Variants in C12orf42 observed in about 807,000 individuals in gnomAD.
The protein encoded by C12orf42 is uncharacterized protein C12orf42.
In C12orf42, 25 loss-of-function variants were observed where a neutral mutation model predicts 21.6. The ratio of observed to expected loss-of-function variants is 1.16; its 90% CI spans 0.84 to 1.62. The LOEUF (loss-of-function observed/expected upper bound fraction) is 1.62. C12orf42 is among the 40% of genes most tolerant of loss of function. The pLI is 0.00. For synonymous variants in C12orf42, 174 were observed against 175.0 expected, an observed-to-expected ratio of 0.99 and a Z score of 0.05; for missense variants, 483 against 459.3, an observed-to-expected ratio of 1.05 and a Z score of -0.47.
At chr12:103,255,085 T>C (rs1417521132) in intron 10 of C12orf42, among the ~76,000 whole-genome samples, 1 of 152,124 alleles carries the variant, frequency 6.6e-6, no homozygotes, top group Non-Finnish European at 1.5e-5. Context: ...TCATACAGAA[T>C]ATGTGGGCCG....
At chr12:103,371,021 G>A (rs1262427937) in intron 3 of C12orf42, among the ~76,000 whole-genome samples, 1 of 152,120 alleles carries the variant, frequency 6.6e-6, no homozygotes, top group Non-Finnish European at 1.5e-5. Context: ...TTTGGATATT[G>A]TATAGATTTG....
At chr12:103,061,679 G>A in the C12orf42 span, among the ~76,000 whole-genome samples, 1 of 151,428 alleles carries the variant, frequency 6.6e-6, no homozygotes, top group Non-Finnish European at 1.5e-5. Context: ...TTTGATATTG[G>A]TATAGCTATA....
At chr12:103,420,227 T>G (rs924406384) in intron 2 of C12orf42, among the ~76,000 whole-genome samples, 1 of 152,218 alleles carries the variant, frequency 6.6e-6, no homozygotes, top group Admixed American at 6.5e-5. Flanking sequence ...TTCAAACAAC[T>G]TGGTTTTGTC....
the C12orf42 span, among the ~76,000 whole-genome samples, chr12:103,508,962 T>A: frequency 2.5e-3 from 384 of 152,364 alleles, 2 homozygotes; most frequent in African/African-American, 8.8e-3. Context: ...GTAAAAAATT[T>A]GCTAACTCTC....
chr12:103,171,291 G>A, the C12orf42 span, among the ~76,000 whole-genome samples: 1 of 152,030 alleles, frequency 6.6e-6, no homozygotes. Context: ...GTTGTTTATT[G>A]TCTATCTTCC....
intron 3 of C12orf42, among the ~76,000 whole-genome samples, chr12:103,387,837 T>C (rs1201520250): frequency 6.6e-6 from 1 of 152,242 alleles, no homozygotes; most frequent in Non-Finnish European, 1.5e-5. Flanking sequence ...TCTGCCATCA[T>C]ACCTTTTCAA....
intron 5 of C12orf42, among the ~76,000 whole-genome samples, chr12:103,271,115 T>A (rs2035449749): frequency 6.6e-6 from 1 of 152,112 alleles, no homozygotes; most frequent in Non-Finnish European, 1.5e-5. Context: ...AACAGCTGTG[T>A]GACTTTTTGC....
chr12:103,213,020 G>A, the C12orf42 span, among the ~76,000 whole-genome samples: 1 of 151,730 alleles, frequency 6.6e-6, no homozygotes, highest in East Asian at 1.9e-4. Flanking sequence ...TATTATTAAA[G>A]TTCTACAATA....
the C12orf42 span, among the ~76,000 whole-genome samples, chr12:103,063,086 G>A: frequency 6.6e-6 from 1 of 152,106 alleles, no homozygotes; most frequent in Admixed American, 6.6e-5. Context: ...AAGAAGTTTG[G>A]TGATTCTATA....
the C12orf42 span, among the ~76,000 whole-genome samples, chr12:103,131,613 T>C: frequency 3.3e-5 from 5 of 152,238 alleles, no homozygotes; most frequent in Non-Finnish European, 7.3e-5. Context: ...AAATATTTTT[T>C]TTCTCAATAG....
At chr12:103,244,475 C>T (rs913440023) in intron 10 of C12orf42, among the ~76,000 whole-genome samples, 3 of 151,560 alleles carry the variant, frequency 2.0e-5, no homozygotes, top group African/African-American at 7.3e-5. Flanking sequence ...TCAGCCTGAG[C>T]CCCTGAAGAC....
intron 10 of C12orf42, among the ~76,000 whole-genome samples, chr12:103,257,887 A>G (rs1359727650): frequency 6.6e-6 from 1 of 151,986 alleles, no homozygotes; most frequent in African/African-American, 2.4e-5. Context: ...CTATTGACCC[A>G]GAATGACCAA....
At chr12:103,525,942 G>T in the C12orf42 span, among the ~76,000 whole-genome samples, 14 of 152,160 alleles carry the variant, frequency 9.2e-5, no homozygotes, top group African/African-American at 3.1e-4. Flanking sequence ...CAGGAGAATT[G>T]CTTGAAACCG....
chr12:103,547,294 T>C, the C12orf42 span, among the ~76,000 whole-genome samples: 6 of 152,210 alleles, frequency 3.9e-5, no homozygotes, highest in African/African-American at 1.4e-4. Context: ...CCGCAGACAT[T>C]TGTGGCTAGT....
At chr12:103,382,859 T>A (rs2046301390) in intron 3 of C12orf42, among the ~76,000 whole-genome samples, 1 of 152,148 alleles carries the variant, frequency 6.6e-6, no homozygotes, top group Non-Finnish European at 1.5e-5. Context: ...GTCACTTCAG[T>A]TCACTCCAAA....
chr12:103,506,719 A>C, the C12orf42 span, among the ~76,000 whole-genome samples: 2 of 145,012 alleles, frequency 1.4e-5, no homozygotes, highest in Non-Finnish European at 3.0e-5. Context: ...GATTTTATAC[A>C]GTATAAATTC....
At position 103,440,457 on chromosome 12, in the gene C12orf42, C is replaced by CAAAAAAAAAAAA; in HGVS notation, c.78+37880_78+37891dup. On this transcript the variant is annotated intron_variant, in intron 2 of 5. Transcript: ENST00000548883. ...AAATAAATAAAAGCCTCACAGATAC[C>CAAAAAAAAAAAA]AAAAAAAAAAAAAAAAAAAAAAGAA... 2.8e-3 allele frequency among the ~76,000 whole-genome samples: 194 copies of CAAAAAAAAAAAA among 69,680 alleles called. 7 individuals are homozygous for CAAAAAAAAAAAA. The highest frequency in any genetic ancestry group is 4.6e-3 in the East Asian group (9 of 1,958). The allele number at this position is 69,680 out of a possible 152,430, so 45.7% of individuals were successfully genotyped here.
intron 5 of C12orf42, among the ~76,000 whole-genome samples, chr12:103,276,005 C>T (rs1312570319): frequency 6.6e-6 from 1 of 152,130 alleles, no homozygotes; most frequent in Non-Finnish European, 1.5e-5. Flanking sequence ...CCCAGGAGTT[C>T]AAGGTTACAG....
the C12orf42 span, among the ~76,000 whole-genome samples, chr12:103,181,058 T>G: frequency 6.6e-6 from 1 of 151,950 alleles, no homozygotes; most frequent in Non-Finnish European, 1.5e-5. Flanking sequence ...GGTTGAGAGA[T>G]TGAGACCATC....
Sources: gnomAD v4.1 joint callset for allele counts (sites outside exome capture counted in the v4.1 genomes callset) on GRCh38, gnomAD v4.1.1 for gene constraint, MANE v1.5 for transcripts, NCBI Gene and HGNC (gene_info 2026-07-23, HGNC 2026-07-21) for gene names.